Variants in RBFOX1 observed in about 807,000 individuals in gnomAD.
RBFOX1 encodes the protein RNA binding protein fox-1 homolog 1.
Under a neutral mutation model 57.7 loss-of-function variants are expected in RBFOX1, and 8 were observed. The observed-to-expected ratio is 0.14, with a 90% CI of 0.08 to 0.25. The LOEUF is 0.25. RBFOX1 is among the 10% of genes least tolerant of loss of function. RBFOX1 has a pLI of 1.00. For missense variants in RBFOX1, 611 were observed against 548.5 expected, an observed-to-expected ratio of 1.11 and a Z score of -1.14; for synonymous variants, 326 against 222.4, an observed-to-expected ratio of 1.47 and a Z score of -4.15.
At chr16:6,817,329 G>A (rs2090296797) in intron 3 of RBFOX1, among the ~76,000 whole-genome samples, 1 of 152,002 alleles carries the variant, frequency 6.6e-6, no homozygotes, top group Admixed American at 6.6e-5. Context: ...CATGTACGAG[G>A]ACCCTGCTTA....
chr16:6,939,760 C>T (rs1317708141), intron 3 of RBFOX1, among the ~76,000 whole-genome samples: 3 of 152,040 alleles, frequency 2.0e-5, no homozygotes, highest in Non-Finnish European at 2.9e-5. Flanking sequence ...GATCAGCCTG[C>T]CTTGGCCTAC....
chr16:5,922,400 A>T (rs774218382), intron 4 of RBFOX1, among the ~76,000 whole-genome samples: 18 of 152,188 alleles, frequency 1.2e-4, no homozygotes, highest in Non-Finnish European at 2.4e-4. Context: ...ACACAAGGAG[A>T]TGTGGCAAGG....
intron 3 of RBFOX1, among the ~76,000 whole-genome samples, chr16:5,797,503 A>G (rs2054918234): frequency 6.6e-6 from 1 of 152,210 alleles, no homozygotes; most frequent in Non-Finnish European, 1.5e-5. Flanking sequence ...ATGGCTCCCC[A>G]GAGTGACTCA....
chr16:6,822,235 T>C (rs2091431464), intron 3 of RBFOX1, among the ~76,000 whole-genome samples: 1 of 152,164 alleles, frequency 6.6e-6, no homozygotes, highest in Admixed American at 6.5e-5. Context: ...GTATGGCAGA[T>C]TTCCCTTGAG....
chr16:6,912,432 G>A (rs184082558), intron 3 of RBFOX1, among the ~76,000 whole-genome samples: 2 of 152,112 alleles, frequency 1.3e-5, no homozygotes, highest in African/African-American at 4.8e-5. Context: ...TCTGTTCTCT[G>A]TGAGTAAAGA....
intron 2 of RBFOX1, among the ~76,000 whole-genome samples, chr16:6,405,986 G>T (rs550851280): frequency 1.3e-5 from 2 of 152,194 alleles, no homozygotes; most frequent in Non-Finnish European, 2.9e-5. Context: ...CATACTGTGT[G>T]CAGGAAGGTG....
intron 3 of RBFOX1, among the ~76,000 whole-genome samples, chr16:6,726,208 C>G (rs1156769675): frequency 6.6e-6 from 1 of 152,066 alleles, no homozygotes; most frequent in Admixed American, 6.6e-5. Flanking sequence ...CCCGTTTGCT[C>G]TAGAATACCA....
intron 1 of RBFOX1, among the ~76,000 whole-genome samples, chr16:6,124,278 C>G (rs968798594): frequency 1.3e-5 from 2 of 152,220 alleles, no homozygotes; most frequent in Non-Finnish European, 2.9e-5. Flanking sequence ...TCTTCAGTCT[C>G]CATGGGCACC....
At chr16:6,189,423 T>C (rs1219563333) in intron 1 of RBFOX1, among the ~76,000 whole-genome samples, 1 of 152,188 alleles carries the variant, frequency 6.6e-6, no homozygotes. Context: ...GCAGAGTCGC[T>C]TGCTGCAACA....
At chr16:7,339,483 C>G (rs2096852733) in intron 4 of RBFOX1, among the ~76,000 whole-genome samples, 1 of 152,162 alleles carries the variant, frequency 6.6e-6, no homozygotes, top group African/African-American at 2.4e-5. Context: ...CTCTGTAGCC[C>G]AGGCTGTAGT....
intron 2 of RBFOX1, among the ~76,000 whole-genome samples, chr16:6,537,136 C>T (rs989045715): frequency 1.3e-5 from 2 of 152,008 alleles, no homozygotes; most frequent in African/African-American, 4.8e-5. Flanking sequence ...TTTTAGTGAG[C>T]ACAGGGATCT....
intron 2 of RBFOX1, among the ~76,000 whole-genome samples, chr16:6,433,451 C>G (rs1469088181): frequency 6.6e-6 from 1 of 152,198 alleles, no homozygotes; most frequent in Non-Finnish European, 1.5e-5. Context: ...GACATGAATG[C>G]AAGTGTGGGG....
At chr16:7,314,067 G>T (rs1026029495) in intron 4 of RBFOX1, among the ~76,000 whole-genome samples, 5 of 152,024 alleles carry the variant, frequency 3.3e-5, no homozygotes, top group Non-Finnish European at 7.4e-5. Flanking sequence ...TTACGATTTT[G>T]TTTAATGAAT....
chr16:5,460,896 G>C (rs1014341831), intron 1 of RBFOX1, among the ~76,000 whole-genome samples: 1 of 152,200 alleles, frequency 6.6e-6, no homozygotes, highest in African/African-American at 2.4e-5. Flanking sequence ...TCGCGTAGTA[G>C]CGATTACACA....
At chr16:5,292,715 A>G (rs1486561784) in intron 1 of RBFOX1, among the ~76,000 whole-genome samples, 3 of 151,894 alleles carry the variant, frequency 2.0e-5, no homozygotes, top group African/African-American at 4.8e-5. Flanking sequence ...CCTCTGCCTC[A>G]CTGGTTCAAG....
chr16:5,503,814 C>T (rs954665418), intron 2 of RBFOX1, among the ~76,000 whole-genome samples: 1 of 152,170 alleles, frequency 6.6e-6, no homozygotes, highest in African/African-American at 2.4e-5. Context: ...CATGTTCATC[C>T]CCTCCCCAAA....
intron 1 of RBFOX1, among the ~76,000 whole-genome samples, chr16:6,068,433 T>C (rs1369408280): frequency 6.6e-6 from 1 of 152,204 alleles, no homozygotes; most frequent in Non-Finnish European, 1.5e-5. Flanking sequence ...GAGTTGTGCC[T>C]AGGCCTTTCC....
At chr16:6,886,191 A>C (rs934900686) in intron 3 of RBFOX1, among the ~76,000 whole-genome samples, 1 of 151,286 alleles carries the variant, frequency 6.6e-6, no homozygotes, top group Non-Finnish European at 1.5e-5. Flanking sequence ...CCTCCTGAGT[A>C]GCTGGGATTA....
intron 4 of RBFOX1, among the ~76,000 whole-genome samples, chr16:7,352,097 A>C (rs185691433): frequency 2.0e-5 from 3 of 152,242 alleles, no homozygotes; most frequent in Non-Finnish European, 2.9e-5. Context: ...TGCGGGGTGT[A>C]TCATTTCCAC....
Sources: allele counts gnomAD v4.1 joint callset (sites outside exome capture counted in the v4.1 genomes callset), GRCh38; gene constraint gnomAD v4.1.1; transcripts MANE v1.5; gene names NCBI Gene and HGNC (gene_info 2026-07-23, HGNC 2026-07-21).